CCNH: variants seen among roughly 807,000 people sequenced by gnomAD.
The protein encoded by CCNH is cyclin-H.
A neutral mutation model predicts 41.9 loss-of-function variants in CCNH; 31 were observed. The ratio of observed to expected loss-of-function variants is 0.74; its 90% confidence interval spans 0.56 to 1.00. The LOEUF is 1.00. CCNH is among the 50% of genes least tolerant of loss of function. CCNH has a pLI of 0.00. For missense variants in CCNH, 362 were observed against 388.4 expected (o/e 0.93, Z 0.57); for synonymous variants, 138 against 136.1 (o/e 1.01, Z -0.10).
At chr5:87,408,648 A>G (rs564655041) in intron 3 of CCNH, among the ~76,000 whole-genome samples, 32 of 152,214 alleles carry the variant, frequency 2.1e-4, no homozygotes, top group Non-Finnish European at 3.8e-4. Context: ...ATAAGGGACT[A>G]TTATTTAAGG....
chr5:87,366,986 A>G (rs1760573914), intron 9 of CCNH, among the ~76,000 whole-genome samples: 1 of 152,222 alleles, frequency 6.6e-6, no homozygotes, highest in Non-Finnish European at 1.5e-5. Context: ...TGTTGCAGTG[A>G]GCTGACTGTA....
intron 9 of CCNH, among the ~76,000 whole-genome samples, chr5:87,346,115 T>C (rs1475609735): frequency 1.3e-5 from 2 of 152,090 alleles, no homozygotes; most frequent in African/African-American, 4.8e-5. Context: ...CCTAGTTTGA[T>C]AGGCTGTTAG....
In CCNH at chr5:87,376,512, C is replaced by T. The variant is rs863223718; in HGVS notation, n.669G>A. The T allele has an allele frequency of 1.2e-6, 2 of 1,613,770 alleles. No homozygotes were observed. The highest frequency in any genetic ancestry group is 1.7e-6 in the Non-Finnish European group (2 of 1,179,932). ...ACCAGGGTCCCTGCGTGTTCGAGCA[C>T]GATACTCTATGGAAAAAATCATGCC... On this transcript the variant is annotated non_coding_transcript_exon_variant, in exon 1 of 1. Transcript: ENST00000607486.
intron 9 of CCNH, among the ~76,000 whole-genome samples, chr5:87,327,943 G>C (rs1204805397): frequency 1.3e-5 from 2 of 151,314 alleles, no homozygotes; most frequent in African/African-American, 4.9e-5. Context: ...CCCCAACCTG[G>C]GTAACAGAGC....
intron 5 of CCNH, among the ~76,000 whole-genome samples, 183 bp from the exon 6 acceptor site, chr5:87,401,955 T>G (rs1239101218): frequency 1.3e-5 from 2 of 152,244 alleles, no homozygotes; most frequent in Non-Finnish European, 2.9e-5. Flanking sequence ...AAGATGTTTA[T>G]TGTTCCTTTA....
rs757811116 is a variant in CCNH at position 87,349,372 on chromosome 5, A to C, written c.*91-30475T>G. The C allele has an allele frequency of 6.2e-7, 1 of 1,611,040 alleles. No individual in the cohort carries two copies. The highest frequency in any genetic ancestry group is 8.5e-7 in the Non-Finnish European group (1 of 1,178,014). Reference sequence around the variant, plus strand: ...AGGCCGGTATTATAACAGGTAAATCATAATTTTTTAGCTATCTTTTACTTT... The same window carrying C: ...AGGCCGGTATTATAACAGGTAAATCCTAATTTTTTAGCTATCTTTTACTTT... On this transcript the variant is annotated intron_variant and NMD_transcript_variant, in intron 9 of 9. Coordinates refer to the CCNH transcript ENST00000645953.
At chr5:87,409,939 C>T (rs1764098425) in intron 2 of CCNH, among the ~76,000 whole-genome samples, 1 of 152,110 alleles carries the variant, frequency 6.6e-6, no homozygotes, top group South Asian at 2.1e-4. Context: ...AAACTATCAT[C>T]ATGTTTTAAT....
chr5:87,380,374 T>C, upstream of CCNH: 2 of 791,030 alleles, frequency 2.5e-6, no homozygotes, highest in Non-Finnish European at 4.4e-6. Context: ...TCATTACCTG[T>C]GGCAAAATAC....
downstream of CCNH, chr5:87,389,517 G>A: frequency 6.2e-7 from 1 of 1,614,004 alleles, no homozygotes; most frequent in Non-Finnish European, 8.5e-7. Context: ...AATGAGCGTG[G>A]TGCACAGCAG....
chr5:87,346,633 A>C lies in CCNH; in HGVS notation c.*91-27736T>G, dbSNP rs1758882451. On this transcript the variant is annotated intron_variant and NMD_transcript_variant, in intron 9 of 9. Transcript: ENST00000645953. The stretch of plus-strand genomic sequence containing the variant: ...TTTTGATCATATGATAACAGCAAAA[A>C]GGACTTTATTTATATATCTAATTTA... 3 of 1,333,408 alleles carry C rather than the reference A, an allele frequency of 2.2e-6. No homozygotes were observed. The South Asian group carries it at 3.7e-5, about 16-fold the overall frequency. The allele number at this position is 1,333,408 out of a possible 1,614,324, so 82.6% of individuals were successfully genotyped here. A position where few individuals can be genotyped will look rare whatever the true frequency, so the allele number is the denominator to read the frequency against.
At chr5:87,387,776 C>G (rs1417538910), downstream of CCNH, among the ~76,000 whole-genome samples, 1 of 152,118 alleles carries the variant, frequency 6.6e-6, no homozygotes, top group Non-Finnish European at 1.5e-5. Flanking sequence ...TATGGCATAG[C>G]TCCATATTTA....
chr5:87,338,112 C>T, intron 9 of CCNH: 1 of 1,611,158 alleles, frequency 6.2e-7, no homozygotes, highest in Non-Finnish European at 8.5e-7. Context: ...TTCTTTTCTT[C>T]TCAATTCTAG....
rs1002288087 is a variant in CCNH at position 87,399,250 on chromosome 5, A to G, written c.872+144T>C. ...GCCGAACTATTACCTTAATCTCATTAGAAATGTCCATTCAATAAAGAAAAT... is the reference window on the plus strand; with the variant it reads ...GCCGAACTATTACCTTAATCTCATTGGAAATGTCCATTCAATAAAGAAAAT... On this transcript the variant is annotated intron_variant, in intron 7 of 8. Transcript: ENST00000256897. The G allele has an allele frequency of 1.8e-5, 12 of 665,524 alleles. No homozygotes were observed. In the African/African-American group the frequency reaches 2.2e-4, roughly 12 times the overall value. The allele number at this position is 665,524 out of a possible 1,614,324, so 41.2% of individuals were successfully genotyped here. A position where few individuals can be genotyped will look rare whatever the true frequency, so the allele number is the denominator to read the frequency against.
intron 4 of CCNH, 123 bp from the exon 5 acceptor site, chr5:87,405,130 C>T (rs892389503): frequency 1.5e-5 from 10 of 651,640 alleles, no homozygotes; most frequent in Non-Finnish European, 2.6e-5. Context: ...GTTCCTAGCA[C>T]AGTAATTGAC....
intron 9 of CCNH, chr5:87,346,775 A>T: frequency 7.4e-7 from 1 of 1,351,578 alleles, no homozygotes; most frequent in Non-Finnish European, 1.1e-6. Flanking sequence ...GAGAATAAAA[A>T]AGTGAACAAA....
chr5:87,315,380 T>C (rs913550564), downstream of CCNH, among the ~76,000 whole-genome samples: 1 of 152,156 alleles, frequency 6.6e-6, no homozygotes, highest in East Asian at 1.9e-4. Flanking sequence ...CCTTCTCTTA[T>C]AAAAACCACC....
At chr5:87,315,435 T>A (rs946873177), downstream of CCNH, among the ~76,000 whole-genome samples, 2 of 152,110 alleles carry the variant, frequency 1.3e-5, no homozygotes, top group Admixed American at 6.5e-5. Context: ...CCCTATCTAA[T>A]CCTCACAAAG....
downstream of CCNH, among the ~76,000 whole-genome samples, chr5:87,390,276 T>C (rs536732347): frequency 8.3e-4 from 126 of 152,280 alleles, no homozygotes; most frequent in African/African-American, 3.0e-3. Flanking sequence ...TTGACTAGTT[T>C]CTAATGTAGT....
upstream of CCNH, among the ~76,000 whole-genome samples, chr5:87,381,002 A>T (rs1761675384): frequency 6.6e-6 from 1 of 152,224 alleles, no homozygotes; most frequent in Non-Finnish European, 1.5e-5. Context: ...GCTAATCAGA[A>T]CCAGAACATG....
Sources: allele counts gnomAD v4.1 joint callset (sites outside exome capture counted in the v4.1 genomes callset), GRCh38; gene constraint gnomAD v4.1.1; transcripts MANE v1.5; gene names NCBI Gene and HGNC (gene_info 2026-07-23, HGNC 2026-07-21).